Variants in FHIT observed in about 807,000 individuals in gnomAD.
FHIT encodes the protein bis(5'-adenosyl)-triphosphatase.
FHIT carries 19 observed loss-of-function variants against 17.9 expected under a neutral mutation model. That is an observed-to-expected ratio of 1.06 (90% confidence interval 0.74 to 1.56). The LOEUF (loss-of-function observed/expected upper bound fraction) is 1.56, where lower values mean the gene tolerates loss of function less well. Among genes scored for constraint, FHIT ranks in the 40% most tolerant of loss-of-function variants. FHIT has a pLI of 0.00. For synonymous variants in FHIT, 81 were observed against 69.7 expected (o/e 1.16, Z -0.81); for missense variants, 248 against 189.2 (o/e 1.31, Z -1.82).
At chr3:59,919,786 G>T (rs954572782) in intron 8 of FHIT, among the ~76,000 whole-genome samples, 2 of 152,184 alleles carry the variant, frequency 1.3e-5, no homozygotes, top group African/African-American at 4.8e-5. Flanking sequence ...GCATAATCTA[G>T]AGCAAGTGCT....
At chr3:60,461,266 G>A (rs1336492032) in intron 5 of FHIT, among the ~76,000 whole-genome samples, 2 of 152,054 alleles carry the variant, frequency 1.3e-5, no homozygotes, top group Admixed American at 6.6e-5. Flanking sequence ...AAAAAATCCA[G>A]CTCTACAGTT....
At chr3:60,136,844 C>A (rs1699837524) in intron 5 of FHIT, among the ~76,000 whole-genome samples, 1 of 149,294 alleles carries the variant, frequency 6.7e-6, no homozygotes, top group African/African-American at 2.6e-5. Flanking sequence ...TACAAACATG[C>A]CCTATGGATT....
chr3:60,359,603 A>C (rs1311633957), intron 5 of FHIT, among the ~76,000 whole-genome samples: 1 of 152,206 alleles, frequency 6.6e-6, no homozygotes, highest in South Asian at 2.1e-4. Flanking sequence ...TCTTTTTCGA[A>C]TTCTGTGACA....
intron 3 of FHIT, among the ~76,000 whole-genome samples, chr3:61,019,631 A>G (rs1424895633): frequency 2.0e-5 from 3 of 152,208 alleles, no homozygotes; most frequent in Non-Finnish European, 4.4e-5. Flanking sequence ...ATAACGCTAT[A>G]TAGCACACTT....
intron 5 of FHIT, among the ~76,000 whole-genome samples, chr3:60,260,456 A>G (rs1706234338): frequency 6.6e-6 from 1 of 152,050 alleles, no homozygotes; most frequent in Non-Finnish European, 1.5e-5. Context: ...TGGCGTATTC[A>G]CTATTGTTTA....
In FHIT at chr3:60,536,910, T is replaced by C. The variant is rs2036004200; in HGVS notation, c.53A>G (p.Lys18Arg). The change falls in exon 5 of 10, where the codon AAA (lysine) becomes AGA (arginine). Residue 18 changes from lysine to arginine, a missense_variant. Transcript: ENST00000492590. ...CACAAGAGCGAAGGACAGTTCTGTTTTGAGAAACACTACAGAGGGCTTGAT... is the reference window on the plus strand; with the variant it reads ...CACAAGAGCGAAGGACAGTTCTGTTCTGAGAAACACTACAGAGGGCTTGAT... ...HLIKPSVVFL[K>R]TELSFALVNR... 1 of 1,613,590 alleles carries C rather than the reference T, an allele frequency of 6.2e-7. No homozygotes were observed. Among genetic ancestry groups the C allele is most frequent in the Non-Finnish European group, 8.5e-7 (1 of 1,179,724 alleles).
intron 5 of FHIT, among the ~76,000 whole-genome samples, chr3:60,530,584 G>C (rs145044785): frequency 2.0e-5 from 3 of 152,156 alleles, no homozygotes; most frequent in Non-Finnish European, 4.4e-5. Context: ...TTCCCCTCTA[G>C]TGCCCATCAC....
chr3:59,981,093 A>G (rs2107431860), intron 7 of FHIT, among the ~76,000 whole-genome samples: 1 of 152,290 alleles, frequency 6.6e-6, no homozygotes, highest in Non-Finnish European at 1.5e-5. Flanking sequence ...ACCAACAAAA[A>G]AAACACTGGG....
intron 2 of FHIT, among the ~76,000 whole-genome samples, chr3:61,055,523 G>A (rs761996031): frequency 5.9e-5 from 9 of 152,140 alleles, no homozygotes; most frequent in East Asian, 1.9e-4. Flanking sequence ...CTCCAACCAC[G>A]TGCTAGCCCC....
intron 5 of FHIT, among the ~76,000 whole-genome samples, chr3:60,481,588 A>C (rs1052193603): frequency 6.6e-6 from 1 of 152,144 alleles, no homozygotes; most frequent in African/African-American, 2.4e-5. Flanking sequence ...CTTCATAAGC[A>C]TAAGAGAAAT....
At chr3:59,755,780 G>T (rs773419522) in intron 8 of FHIT, among the ~76,000 whole-genome samples, 2 of 152,192 alleles carry the variant, frequency 1.3e-5, no homozygotes, top group Non-Finnish European at 2.9e-5. Flanking sequence ...GCTGGATAGA[G>T]CTAGCCTCAT....
intron 7 of FHIT, among the ~76,000 whole-genome samples, chr3:59,993,421 C>T (rs1381349612): frequency 3.3e-5 from 5 of 152,024 alleles, no homozygotes; most frequent in Non-Finnish European, 7.4e-5. Context: ...TAAAATAACA[C>T]CAATGTGAGT....
intron 4 of FHIT, among the ~76,000 whole-genome samples, chr3:60,668,156 C>T (rs2040423807): frequency 6.6e-6 from 1 of 151,886 alleles, no homozygotes; most frequent in South Asian, 2.1e-4. Flanking sequence ...GAAAAAGAGG[C>T]TTCCCTGACA....
At chr3:61,163,267 C>G (rs1410260646) in intron 2 of FHIT, among the ~76,000 whole-genome samples, 2 of 152,172 alleles carry the variant, frequency 1.3e-5, no homozygotes, top group African/African-American at 4.8e-5. Context: ...TTAGATCTCC[C>G]TGTTATAGTT....
chr3:61,046,806 G>A (rs974363422), intron 2 of FHIT, among the ~76,000 whole-genome samples: 4 of 152,186 alleles, frequency 2.6e-5, no homozygotes, highest in African/African-American at 9.7e-5. Flanking sequence ...GATCAAGTTG[G>A]CTTCATCCCT....
chr3:60,387,309 T>G (rs1160279339), intron 5 of FHIT, among the ~76,000 whole-genome samples: 1 of 152,062 alleles, frequency 6.6e-6, no homozygotes, highest in Non-Finnish European at 1.5e-5. Flanking sequence ...CTTTAATGTC[T>G]CCCACACTAA....
intron 5 of FHIT, among the ~76,000 whole-genome samples, chr3:60,249,051 C>A (rs1705550498): frequency 6.6e-6 from 1 of 152,076 alleles, no homozygotes; most frequent in South Asian, 2.1e-4. Context: ...TTTGCCATTT[C>A]TTTATGTCTT....
At chr3:60,557,393 A>T (rs533071928) in intron 4 of FHIT, among the ~76,000 whole-genome samples, 1 of 152,092 alleles carries the variant, frequency 6.6e-6, no homozygotes, top group East Asian at 1.9e-4. Flanking sequence ...GGAGGAGGTG[A>T]CAGGAAGAAC....
At chr3:60,190,051 G>A (rs1222394557) in intron 5 of FHIT, among the ~76,000 whole-genome samples, 1 of 152,172 alleles carries the variant, frequency 6.6e-6, no homozygotes, top group African/African-American at 2.4e-5. Context: ...TTTCTTTTAA[G>A]TCAGCTACTT....
Sources: gnomAD v4.1 joint callset for allele counts (sites outside exome capture counted in the v4.1 genomes callset) on GRCh38, gnomAD v4.1.1 for gene constraint, MANE v1.5 for transcripts, NCBI Gene and HGNC (gene_info 2026-07-23, HGNC 2026-07-21) for gene names.